The following MTMR8 variants were observed in gnomAD, a reference collection of about 807,000 sequenced individuals.
MTMR8 encodes the protein phosphatidylinositol-3,5-bisphosphate 3-phosphatase MTMR8.
A neutral mutation model predicts 39.3 loss-of-function variants in MTMR8; 65 were observed. The ratio of observed to expected loss-of-function variants is 1.65; its 90% CI spans 1.35 to 2.03. The LOEUF (loss-of-function observed/expected upper bound fraction) is 2.03, where lower values mean the gene tolerates loss of function less well. Among genes scored for constraint, MTMR8 ranks in the 30% most tolerant of loss-of-function variants. MTMR8 has a pLI of 0.00. For synonymous variants in MTMR8, 245 were observed against 185.2 expected, an observed-to-expected ratio of 1.32 and a Z score of -2.62; for missense variants, 777 against 538.9, an observed-to-expected ratio of 1.44 and a Z score of -4.37.
At position 64,343,696 on chromosome X, in the gene MTMR8, A is replaced by G. The variant is rs2147226870; in HGVS notation, c.890T>C (p.Met297Thr). 8.3e-7 allele frequency: 1 copy of G among 1,204,092 alleles called. No homozygotes were observed. Among genetic ancestry groups the G allele is most frequent in the East Asian group, 3.0e-5 (1 of 33,692 alleles). ...LEVCELKTPT[M>T]SEFLSGLESS... ...CTCCAGGCCGCTAAGAAATTCACTC[A>G]TTGTTGGAGTTTTCAATTCACAAAC... is the stretch of plus-strand genomic sequence containing the variant. Residue 297 changes from methionine to threonine, a missense_variant, in exon 8 of 14, where the codon ATG becomes ACG. Met to Thr is a moderately conservative substitution (Grantham distance 81, BLOSUM62 -1). Transcript: ENST00000374852.
intron 11 of MTMR8, 58 bp from the exon 12 acceptor site, chrX:64,328,958 A>G (rs1602133937): frequency 1.8e-6 from 2 of 1,104,954 alleles, no homozygotes; most frequent in East Asian, 3.3e-5. Context: ...TAATCTCAAT[A>G]GTCCTGTTGA....
intron 12 of MTMR8, among the ~76,000 whole-genome samples, chrX:64,302,100 C>T (rs1052914941): frequency 2.7e-5 from 3 of 112,901 alleles, no homozygotes; most frequent in African/African-American, 9.6e-5. Context: ...CCACCCAGTT[C>T]GAGCTTTCTG....
chrX:64,383,032 A>G (rs1924471758), intron 1 of MTMR8, among the ~76,000 whole-genome samples: 1 of 111,332 alleles, frequency 9.0e-6, no homozygotes, highest in Non-Finnish European at 1.9e-5. Context: ...AACAACAACA[A>G]CAACTATAAT....
intron 12 of MTMR8, among the ~76,000 whole-genome samples, chrX:64,293,917 G>A (rs896918769): frequency 3.6e-5 from 4 of 111,755 alleles, no homozygotes; most frequent in African/African-American, 9.8e-5. Context: ...CAATCAGCTC[G>A]TAACTCCATA....
intron 13 of MTMR8, among the ~76,000 whole-genome samples, chrX:64,269,527 A>T (rs960964698): frequency 9.0e-6 from 1 of 111,517 alleles, no homozygotes; most frequent in African/African-American, 3.3e-5. Context: ...GCCTGATGCC[A>T]AAGTCTATGA....
chrX:64,292,940 T>C (rs1001132928), intron 12 of MTMR8, among the ~76,000 whole-genome samples: 1 of 111,392 alleles, frequency 9.0e-6, no homozygotes, highest in African/African-American at 3.3e-5. Flanking sequence ...ACCTTGTTGA[T>C]GTGGATTTTT....
chrX:64,304,907 T>TATAC lies in MTMR8; in HGVS notation c.1481+23864_1481+23865insGTAT, dbSNP rs1416066091. 4.4e-4 allele frequency: 32 copies of TATAC among 72,400 alleles called. 1 individual carries two copies. Among genetic ancestry groups the TATAC allele is most frequent in the South Asian group, 3.2e-3 (4 of 1,255 alleles). The allele number at this position is 72,400 out of a possible 1,213,427, so 6.0% of individuals were successfully genotyped here. A position where few individuals can be genotyped will look rare whatever the true frequency, so the allele number is the denominator to read the frequency against. The stretch of plus-strand genomic sequence containing the variant: ...ATATATATATATATATATATATATA[T>TATAC]ACACATACATATATATATACACATA... On this transcript the variant is annotated intron_variant, in intron 12 of 13. Transcript: ENST00000374852.
chrX:64,357,213 T>C (rs1015552881), intron 2 of MTMR8, among the ~76,000 whole-genome samples: 1 of 111,674 alleles, frequency 9.0e-6, no homozygotes, highest in African/African-American at 3.3e-5. Flanking sequence ...TCTGCAACTA[T>C]GGAGCCTGGA....
At chrX:64,367,022 T>C (rs1238527778) in intron 1 of MTMR8, among the ~76,000 whole-genome samples, 1 of 111,270 alleles carries the variant, frequency 9.0e-6, no homozygotes. Flanking sequence ...AATGGAAAAA[T>C]TCCTGGGCAC....
Position 64,268,421 on chromosome X carries a change from A to T in MTMR8, c.*116T>A, listed in dbSNP as rs1931675013. On this transcript the variant is annotated 3_prime_UTR_variant, in exon 14 of 14. Transcript: ENST00000374852. ...TTCCCTTCCAGACTTAAGTGGGGAGAGGGGTGCCCTGGCTTCACCCACTTA... is the reference window on the plus strand; with the variant it reads ...TTCCCTTCCAGACTTAAGTGGGGAGTGGGGTGCCCTGGCTTCACCCACTTA... The T allele has an allele frequency of 1.1e-6, 1 of 874,531 alleles. No individual in the cohort carries two copies. The highest frequency in any genetic ancestry group is 2.0e-5 in the African/African-American group (1 of 49,327). The allele number at this position is 874,531 out of a possible 1,213,427, so 72.1% of individuals were successfully genotyped here. A position where few individuals can be genotyped will look rare whatever the true frequency, so the allele number is the denominator to read the frequency against.
At chrX:64,377,467 A>T (rs537175602) in intron 1 of MTMR8, among the ~76,000 whole-genome samples, 1 of 112,785 alleles carries the variant, frequency 8.9e-6, no homozygotes, top group South Asian at 3.6e-4. Flanking sequence ...TGAGACATAC[A>T]GTCAAAGGAG....
rs753656077 is a variant in MTMR8, at chrX:64,296,312, G to T, written c.1482-25239C>A. Among the ~76,000 whole-genome samples, 6 of 111,396 alleles carry T rather than the reference G, an allele frequency of 5.4e-5. No individual in the cohort carries two copies. The South Asian group carries it at 2.3e-3, about 42-fold the overall frequency. On this transcript the variant is annotated intron_variant, in intron 12 of 13. Transcript: ENST00000374852. ...AATAGAGGGCTGCCAGGGGCTGCTG[G>T]GAGGGGAAAATGGAGAGTTATTTTG... is the stretch of plus-strand genomic sequence containing the variant.
At chrX:64,321,165 C>A (rs1376569737) in intron 12 of MTMR8, among the ~76,000 whole-genome samples, 2 of 110,545 alleles carry the variant, frequency 1.8e-5, no homozygotes, top group Non-Finnish European at 3.8e-5. Flanking sequence ...AATTATGAGG[C>A]ATTCAGAAAA....
intron 12 of MTMR8, among the ~76,000 whole-genome samples, chrX:64,284,143 C>G (rs1449779376): frequency 8.9e-6 from 1 of 112,042 alleles, no homozygotes. Context: ...CCAGATGGAG[C>G]TGAAAACCAT....
chrX:64,389,166 T>G (rs781014994), intron 1 of MTMR8, among the ~76,000 whole-genome samples: 1 of 111,822 alleles, frequency 8.9e-6, no homozygotes, highest in African/African-American at 3.3e-5. Flanking sequence ...CTTAGAATAG[T>G]ACCTGGCACA....
chrX:64,360,960 C>G (rs377666783), intron 1 of MTMR8, among the ~76,000 whole-genome samples: 12 of 111,291 alleles, frequency 1.1e-4, no homozygotes, highest in African/African-American at 3.9e-4. Context: ...TCCACAGATA[C>G]ACACACATAG....
chrX:64,373,481 A>C (rs1924180948), intron 1 of MTMR8, among the ~76,000 whole-genome samples: 1 of 111,543 alleles, frequency 9.0e-6, no homozygotes, highest in East Asian at 2.8e-4. Context: ...CATGACTGAA[A>C]ATTTCCTGAG....
chrX:64,304,351 T>C (rs904541347), intron 12 of MTMR8, among the ~76,000 whole-genome samples: 7 of 111,852 alleles, frequency 6.3e-5, no homozygotes, highest in African/African-American at 2.0e-4. Flanking sequence ...CTTGCATGTG[T>C]TCACATACAG....
chrX:64,270,693 C>T (rs778428057), intron 13 of MTMR8, among the ~76,000 whole-genome samples: 12 of 111,878 alleles, frequency 1.1e-4, no homozygotes, highest in Middle Eastern at 4.6e-3. Context: ...TCCTCCTATT[C>T]ATTCCATCCA....
Sources: gnomAD v4.1 joint callset for allele counts (sites outside exome capture counted in the v4.1 genomes callset) on GRCh38, gnomAD v4.1.1 for gene constraint, MANE v1.5 for transcripts, NCBI Gene and HGNC (gene_info 2026-07-23, HGNC 2026-07-21) for gene names.